Variants in JCAD observed in about 807,000 individuals in gnomAD.
JCAD encodes the protein junctional cadherin 5 associated.
JCAD carries 40 observed loss-of-function variants against 98.0 expected under a neutral mutation model. That is an observed-to-expected ratio of 0.41 (90% CI 0.32 to 0.53). The LOEUF is 0.53. JCAD is among the 20% of genes least tolerant of loss of function. The pLI is 0.31. For missense variants in JCAD, 1,705 were observed against 1,738.1 expected, an observed-to-expected ratio of 0.98 and a Z score of 0.34; for synonymous variants, 691 against 682.3, an observed-to-expected ratio of 1.01 and a Z score of -0.20.
chr10:30,064,832 T>C (rs11007881), intron 2 of JCAD, among the ~76,000 whole-genome samples: 4,934 of 152,218 alleles, frequency 0.032, 257 homozygotes, highest in African/African-American at 0.11. Flanking sequence ...CCACCACGCC[T>C]GGTTAATTTT....
rs113751543 is a variant in JCAD at position 30,022,852 on chromosome 10, G to A, written c.4045+3251C>T. 7.9e-3 allele frequency among the ~76,000 whole-genome samples: 1,208 copies of A among 152,284 alleles called. 18 individuals are homozygous for A. The highest frequency in any genetic ancestry group is 0.027 in the African/African-American group (1,107 of 41,536). ...TAAACAAATGTGGTGTAGCCTAAGT[G>A]TACAGGGTTTATAAAGTCTACAGTA... On this transcript the variant is annotated intron_variant, in intron 3 of 3. Coordinates refer to ENST00000375377, the MANE Select transcript of JCAD (RefSeq NM_020848.4).
At chr10:30,063,624 TG>T (rs1437591183), upstream of JCAD, among the ~76,000 whole-genome samples, 6 of 152,170 alleles carry the variant, frequency 3.9e-5, no homozygotes, top group Admixed American at 3.9e-4. Context: ...AAAAATTTGT[TG>T]TCTTCACTGA....
rs566441360 is a variant in JCAD at position 30,052,101 on chromosome 10, T to C, written c.-59-4230A>G. The stretch of plus-strand genomic sequence containing the variant: ...CAAAGTTCTTTAAATATTAGCTCTA[T>C]GGTGTCTATTCAAATGGAAGGGATT... On this transcript the variant is annotated intron_variant, in intron 1 of 3. Transcript: ENST00000375377. 4.1e-4 allele frequency among the ~76,000 whole-genome samples: 62 copies of C among 152,312 alleles called. 1 individual carries two copies. The South Asian group carries it at 0.012, about 29-fold the overall frequency.
intron 1 of JCAD, among the ~76,000 whole-genome samples, chr10:30,052,709 C>T (rs1837494754): frequency 6.6e-6 from 1 of 152,150 alleles, no homozygotes; most frequent in Non-Finnish European, 1.5e-5. Flanking sequence ...AAGTGCCAGG[C>T]ACTGGGCTGA....
chr10:30,035,131 C>T lies in JCAD; in HGVS notation c.282-5265G>A, dbSNP rs1400654180. On this transcript the variant is annotated intron_variant, in intron 2 of 3. Transcript: ENST00000375377. The stretch of plus-strand genomic sequence containing the variant: ...GTGCTACTTGTGCAAGTACACGCCA[C>T]GAGCATAATCAGAAGACAGATAAAA... 2.6e-5 allele frequency among the ~76,000 whole-genome samples: 4 copies of T among 152,116 alleles called. No homozygotes were observed. The East Asian group carries it at 5.8e-4, about 22-fold the overall frequency.
chr10:30,048,000 AG>A, intron 1 of JCAD, 129 bp from the exon 2 acceptor site: 1 of 546,794 alleles, frequency 1.8e-6, no homozygotes. Flanking sequence ...CTGCACAGAA[AG>A]AGGGGACACA....
chr10:30,024,757 A>G (rs1166460131), intron 3 of JCAD, among the ~76,000 whole-genome samples: 1 of 141,250 alleles, frequency 7.1e-6, no homozygotes, highest in Non-Finnish European at 1.5e-5. Context: ...GTGCAGAGGC[A>G]CAATCTCGGC....
chr10:30,106,890 A>C (rs1319717272), intron 1 of JCAD, among the ~76,000 whole-genome samples: 1 of 152,192 alleles, frequency 6.6e-6, no homozygotes, highest in African/African-American at 2.4e-5. Flanking sequence ...GGGCATGCCA[A>C]GAAGAAGGCT....
intron 2 of JCAD, among the ~76,000 whole-genome samples, chr10:30,039,180 T>A (rs2132633054): frequency 6.6e-6 from 1 of 152,256 alleles, no homozygotes; most frequent in Middle Eastern, 3.4e-3. Context: ...CATGCTAGGA[T>A]CCCACTGATA....
intron 1 of JCAD, among the ~76,000 whole-genome samples, chr10:30,102,221 T>G (rs543904302): frequency 1.3e-4 from 20 of 152,186 alleles, no homozygotes; most frequent in Admixed American, 1.3e-3. Context: ...CAGGCTGGAG[T>G]GCAGTGGTAT....
At chr10:30,051,914 G>A (rs1189854432) in intron 1 of JCAD, among the ~76,000 whole-genome samples, 1 of 152,206 alleles carries the variant, frequency 6.6e-6, no homozygotes, top group East Asian at 1.9e-4. Flanking sequence ...TTGTTGGTTT[G>A]AGAAGATGAC....
intron 2 of JCAD, among the ~76,000 whole-genome samples, chr10:30,041,327 A>G (rs1837238856): frequency 6.6e-6 from 1 of 152,226 alleles, no homozygotes; most frequent in Non-Finnish European, 1.5e-5. Context: ...CAAAATACCA[A>G]CAGCTAATGC....
Position 30,013,319 on chromosome 10 carries a change from A to T in JCAD, c.*4564T>A, listed in dbSNP as rs201206995. Reference sequence around the variant, plus strand: ...AGCAAGACCCTGTTTCAAGGGGGGGAAAAAAAGTTTCTTTGGAGTTGCAAG... The same window carrying T: ...AGCAAGACCCTGTTTCAAGGGGGGGTAAAAAAGTTTCTTTGGAGTTGCAAG... On this transcript the variant is annotated 3_prime_UTR_variant, in exon 4 of 4. Transcript: ENST00000375377. 1.4e-5 allele frequency: 1 copy of T among 72,130 alleles called. No individual in the cohort carries two copies. Among genetic ancestry groups the T allele is most frequent in the Middle Eastern group, 8.6e-3 (1 of 116 alleles). The allele number at this position is 72,130 out of a possible 1,614,324, so 4.5% of individuals were successfully genotyped here.
chr10:30,071,325 C>T (rs1488568444), intron 1 of JCAD, among the ~76,000 whole-genome samples: 1 of 152,132 alleles, frequency 6.6e-6, no homozygotes, highest in Non-Finnish European at 1.5e-5. Flanking sequence ...CCCTAGCTCT[C>T]CTTCCCAGGG....
chr10:30,047,928 C>T (rs1837387425), intron 1 of JCAD, 57 bp from the exon 2 acceptor site: 1 of 1,106,394 alleles, frequency 9.0e-7, no homozygotes, highest in East Asian at 2.4e-5. Context: ...GTCAGTCTGA[C>T]ACCTCCTCCT....
At chr10:30,094,388 T>C (rs1443843061) in intron 1 of JCAD, among the ~76,000 whole-genome samples, 2 of 151,786 alleles carry the variant, frequency 1.3e-5, no homozygotes, top group Non-Finnish European at 2.9e-5. Context: ...GGCGGGAGGT[T>C]GTGGTGAGCC....
At chr10:30,049,168 A>G (rs1837417062) in intron 1 of JCAD, among the ~76,000 whole-genome samples, 3 of 152,190 alleles carry the variant, frequency 2.0e-5, no homozygotes, top group Admixed American at 2.0e-4. Flanking sequence ...TCAGACGGAT[A>G]CACCCACCAC....
At position 30,045,348 on chromosome 10, in the gene JCAD, C is replaced by T. The variant is rs1589691520; in HGVS notation, c.281+2184G>A. Among the ~76,000 whole-genome samples, 5 of 152,206 alleles carry T rather than the reference C, an allele frequency of 3.3e-5. No homozygotes were observed. In the South Asian group the frequency reaches 1.0e-3, roughly 32 times the overall value. ...CAGGGATTCCATAGCCCTGTCTTTA[C>T]TTCATTAGAAACTGACCGTTCTGCT... On this transcript the variant is annotated intron_variant, in intron 2 of 3. Coordinates refer to ENST00000375377, the MANE Select transcript of JCAD (RefSeq NM_020848.4).
chr10:30,062,577 C>T (rs561253635), upstream of JCAD, among the ~76,000 whole-genome samples: 4 of 152,160 alleles, frequency 2.6e-5, no homozygotes, highest in South Asian at 8.3e-4. Context: ...ATACCCAAGA[C>T]TGGGTAATTT....
Sources: gnomAD v4.1 joint callset for allele counts (sites outside exome capture counted in the v4.1 genomes callset) on GRCh38, gnomAD v4.1.1 for gene constraint, MANE v1.5 for transcripts, NCBI Gene and HGNC (gene_info 2026-07-23, HGNC 2026-07-21) for gene names.